Variants in SLC2A13 observed in about 807,000 individuals in gnomAD.
SLC2A13 encodes the protein proton myo-inositol cotransporter.
In SLC2A13, 32 loss-of-function variants were observed where a neutral mutation model predicts 64.4. The observed-to-expected ratio is 0.50, with a 90% CI of 0.37 to 0.67. The LOEUF (loss-of-function observed/expected upper bound fraction) is 0.67. Among genes scored for constraint, SLC2A13 ranks in the 30% least tolerant of loss-of-function variants. The probability of loss-of-function intolerance (pLI) is 0.00; values close to 1 mark genes in which losing one functional copy is unlikely to be tolerated. For missense variants in SLC2A13, 743 were observed against 829.2 expected (o/e 0.90, Z 1.28); for synonymous variants, 338 against 327.1 (o/e 1.03, Z -0.36).
intron 3 of SLC2A13, among the ~76,000 whole-genome samples, chr12:39,966,136 T>G (rs1033397599): frequency 3.4e-4 from 50 of 147,854 alleles, no homozygotes; most frequent in Admixed American, 1.1e-3. Flanking sequence ...TATATATATA[T>G]ATAGAGAGAG....
chr12:39,805,249 C>G (rs983674925), intron 7 of SLC2A13, among the ~76,000 whole-genome samples: 2 of 152,146 alleles, frequency 1.3e-5, no homozygotes, highest in African/African-American at 4.8e-5. Flanking sequence ...GAGTGTTGAA[C>G]AGAAAGTGGT....
At chr12:40,067,757 T>C (rs1343024540) in intron 1 of SLC2A13, among the ~76,000 whole-genome samples, 1 of 152,180 alleles carries the variant, frequency 6.6e-6, no homozygotes, top group Non-Finnish European at 1.5e-5. Flanking sequence ...TTAAAGCACA[T>C]ACAACTGCAC....
chr12:39,859,334 A>ATTT (rs1566874032), intron 6 of SLC2A13, among the ~76,000 whole-genome samples: 2 of 18,698 alleles, frequency 1.1e-4, no homozygotes, highest in African/African-American at 3.7e-4. Flanking sequence ...TTTTTTTCTG[A>ATTT]AAAAAAAAAA....
At chr12:39,777,041 G>A (rs1157670170) in intron 7 of SLC2A13, among the ~76,000 whole-genome samples, 1 of 152,100 alleles carries the variant, frequency 6.6e-6, no homozygotes, top group African/African-American at 2.4e-5. Flanking sequence ...TTCCAACTAT[G>A]CTGTACTATA....
At chr12:40,035,698 CAAACCCT>C (rs1438239615) in intron 2 of SLC2A13, among the ~76,000 whole-genome samples, 3 of 152,180 alleles carry the variant, frequency 2.0e-5, no homozygotes, top group Non-Finnish European at 2.9e-5. Flanking sequence ...TGTAAACAAA[CAAACCCT>C]AATTGCCAGG....
At chr12:39,830,300 G>A (rs1942816064) in intron 6 of SLC2A13, 72 bp from the exon 7 acceptor site, 2 of 1,552,196 alleles carry the variant, frequency 1.3e-6, no homozygotes, top group Non-Finnish European at 1.7e-6. Flanking sequence ...GATTCCATGT[G>A]CTTCTCTGCA....
At chr12:40,086,244 T>C (rs1249690458) in intron 1 of SLC2A13, among the ~76,000 whole-genome samples, 3 of 152,128 alleles carry the variant, frequency 2.0e-5, no homozygotes, top group Non-Finnish European at 4.4e-5. Flanking sequence ...GCAATCAGAA[T>C]GCAGGTGGCA....
chr12:39,896,192 ATGTG>A (rs1482834032), intron 4 of SLC2A13, among the ~76,000 whole-genome samples: 2 of 147,646 alleles, frequency 1.4e-5, no homozygotes, highest in African/African-American at 2.5e-5. Context: ...ATATGTATAT[ATGTG>A]TATGTATACA....
chr12:39,937,430 T>C (rs1945935713), intron 4 of SLC2A13, among the ~76,000 whole-genome samples: 1 of 152,158 alleles, frequency 6.6e-6, no homozygotes, highest in South Asian at 2.1e-4. Context: ...AGACTGGTGT[T>C]ACCTTCAAAC....
chr12:39,764,610 T>C lies in SLC2A13; in HGVS notation c.1570A>G (p.Met524Val), dbSNP rs1476802109. ...ILYLVFFAPG[M>V]GPMPWTVNSE... The stretch of plus-strand genomic sequence containing the variant: ...TTCACAGTCCAAGGCATTGGTCCCA[T>C]TCCTGAGAAATAAAACATTAAAAAC... The change falls in exon 9 of 10, where the codon ATG becomes GTG. Residue 524 changes from methionine to valine, a missense_variant and splice_region_variant. By Grantham distance (21) the Met-to-Val change is conservative. This residue lies in a region of SLC2A13 where 295 missense variants were observed against 381.7 expected (regional missense o/e 0.77). Coordinates refer to ENST00000280871, the MANE Select transcript of SLC2A13 (RefSeq NM_052885.4). 6.3e-7 allele frequency: 1 copy of C among 1,587,536 alleles called. No homozygotes were observed. The highest frequency in any genetic ancestry group is 8.5e-7 in the Non-Finnish European group (1 of 1,172,042).
intron 3 of SLC2A13, among the ~76,000 whole-genome samples, chr12:40,004,932 T>C (rs1947389422): frequency 6.6e-6 from 1 of 152,174 alleles, no homozygotes; most frequent in African/African-American, 2.4e-5. Context: ...TTTATCCTTA[T>C]TGTCTTCACA....
chr12:40,076,962 T>C (rs1938201794), intron 1 of SLC2A13, among the ~76,000 whole-genome samples: 1 of 152,188 alleles, frequency 6.6e-6, no homozygotes, highest in South Asian at 2.1e-4. Context: ...GTGTCTTCTT[T>C]TGAAAAGTGT....
chr12:39,768,301 C>T (rs146181999), intron 7 of SLC2A13, among the ~76,000 whole-genome samples: 1 of 152,162 alleles, frequency 6.6e-6, no homozygotes, highest in African/African-American at 2.4e-5. Context: ...ACCACTCAAA[C>T]TTTCTTCATA....
chr12:39,986,085 T>G (rs896308855), intron 3 of SLC2A13, among the ~76,000 whole-genome samples: 4 of 152,060 alleles, frequency 2.6e-5, no homozygotes, highest in African/African-American at 9.7e-5. Context: ...TCTCAGGCTT[T>G]TAAAATAAAG....
chr12:40,016,509 G>T (rs1446114504), intron 3 of SLC2A13, among the ~76,000 whole-genome samples: 1 of 152,126 alleles, frequency 6.6e-6, no homozygotes, highest in South Asian at 2.1e-4. Flanking sequence ...CAATTCTATG[G>T]TCAAGATAAT....
chr12:39,998,052 A>C (rs921395025), intron 3 of SLC2A13, among the ~76,000 whole-genome samples: 1 of 152,170 alleles, frequency 6.6e-6, no homozygotes, highest in African/African-American at 2.4e-5. Flanking sequence ...GTTATTATAC[A>C]AAAAAGATAC....
rs73276511 is a variant in SLC2A13 at position 39,880,052 on chromosome 12, T to C, written c.1035-8091A>G. Among the ~76,000 whole-genome samples, 1,111 of 152,144 alleles carry C rather than the reference T, an allele frequency of 7.3e-3. 11 individuals carry two copies. Among genetic ancestry groups the C allele is most frequent in the African/African-American group, 0.025 (1,055 of 41,500 alleles). On this transcript the variant is annotated intron_variant, in intron 4 of 9. Coordinates refer to ENST00000280871, the MANE Select transcript of SLC2A13 (RefSeq NM_052885.4). Reference sequence around the variant, plus strand: ...GTGGCACCTCACCCTGCACTCTCTCTCTCTCGCGCTTGCTCTTGCTTTTGC... The same window carrying C: ...GTGGCACCTCACCCTGCACTCTCTCCCTCTCGCGCTTGCTCTTGCTTTTGC...
chr12:40,072,858 C>T (rs1463578328), intron 1 of SLC2A13, among the ~76,000 whole-genome samples: 1 of 152,044 alleles, frequency 6.6e-6, no homozygotes, highest in East Asian at 1.9e-4. Context: ...CACTGACCTT[C>T]GAAGTGATTA....
At chr12:39,766,951 G>T (rs1389918358) in intron 7 of SLC2A13, among the ~76,000 whole-genome samples, 1 of 152,004 alleles carries the variant, frequency 6.6e-6, no homozygotes, top group Admixed American at 6.6e-5. Flanking sequence ...CATCCATAAA[G>T]GTTGGAACAA....
Sources: gnomAD v4.1 joint callset for allele counts (sites outside exome capture counted in the v4.1 genomes callset) on GRCh38, gnomAD v4.1.1 for gene constraint, gnomAD v4.1.1 regional missense constraint, MANE v1.5 for transcripts, NCBI Gene and HGNC (gene_info 2026-07-23, HGNC 2026-07-21) for gene names.